The following SNX1 variants were observed in gnomAD, a reference collection of about 807,000 sequenced individuals.
SNX1 encodes the protein sorting nexin 1, also known as sorting nexin-1.
SNX1 carries 36 observed loss-of-function variants against 71.8 expected under a neutral mutation model. The ratio of observed to expected loss-of-function variants is 0.50; its 90% CI spans 0.38 to 0.66. The LOEUF (loss-of-function observed/expected upper bound fraction) is 0.66, where lower values mean the gene tolerates loss of function less well. Among genes scored for constraint, SNX1 ranks in the 30% least tolerant of loss-of-function variants. The pLI, the probability that SNX1 is intolerant of heterozygous loss-of-function variation, is 0.00. For synonymous variants in SNX1, 254 were observed against 240.7 expected (o/e 1.06, Z -0.51); for missense variants, 612 against 646.7 (o/e 0.95, Z 0.58).
intron 1 of SNX1, 103 bp downstream of exon 1, chr15:64,096,275 C>A: frequency 7.3e-7 from 1 of 1,375,768 alleles, no homozygotes; most frequent in Non-Finnish European, 9.7e-7. Context: ...CCGGTGAGAC[C>A]TTGCCTCGGT....
chr15:64,131,059 TG>T (rs2140157624), intron 10 of SNX1, among the ~76,000 whole-genome samples: 1 of 152,238 alleles, frequency 6.6e-6, no homozygotes, highest in Non-Finnish European at 1.5e-5. Context: ...CCGAGGCAGG[TG>T]GGTCACGAGG....
At chr15:64,109,433 A>T (rs1373903780) in intron 1 of SNX1, among the ~76,000 whole-genome samples, 2 of 152,252 alleles carry the variant, frequency 1.3e-5, no homozygotes, top group Admixed American at 1.3e-4. Flanking sequence ...CAAGTCACAG[A>T]TTCAAATGAC....
At position 64,138,279 on chromosome 15, in the gene SNX1, A is replaced by G; in HGVS notation, c.*661A>G. The G allele has an allele frequency of 2.3e-6, 3 of 1,289,000 alleles. No individual in the cohort carries two copies. Among genetic ancestry groups the G allele is most frequent in the East Asian group, 5.3e-5 (2 of 37,618 alleles). 79.8% of individuals were successfully genotyped at this position (1,289,000 alleles called of 1,614,324 possible). On this transcript the variant is annotated 3_prime_UTR_variant, in exon 15 of 15. Coordinates refer to ENST00000559844, the MANE Select transcript of SNX1 (RefSeq NM_003099.5). ...TCTTAAAATAAGAGGAGCAAAATCT[A>G]TTAAAACCTATTCTCCTGCAAAGGA...
At chr15:64,100,837 T>G (rs1019803462) in intron 1 of SNX1, among the ~76,000 whole-genome samples, 3 of 152,214 alleles carry the variant, frequency 2.0e-5, no homozygotes, top group Non-Finnish European at 4.4e-5. Context: ...ACAAGGTTTC[T>G]GTCTGTCTCC....
At chr15:64,119,812 G>A (rs1375878897) in intron 4 of SNX1, among the ~76,000 whole-genome samples, 1 of 151,314 alleles carries the variant, frequency 6.6e-6, no homozygotes, top group East Asian at 1.9e-4. Flanking sequence ...TTTTGAGATA[G>A]TAAATCCAAT....
chr15:64,135,107 G>A (rs2081344828), intron 12 of SNX1, among the ~76,000 whole-genome samples: 1 of 151,266 alleles, frequency 6.6e-6, no homozygotes, highest in Admixed American at 6.6e-5. Flanking sequence ...TGAGGTCAGA[G>A]GTTTTTTTTG....
chr15:64,130,412 G>C, intron 10 of SNX1, 91 bp downstream of exon 10: 1 of 1,063,312 alleles, frequency 9.4e-7, no homozygotes, highest in Non-Finnish European at 1.4e-6. Flanking sequence ...AATCCTCTCA[G>C]CCATCCAAGT....
At chr15:64,122,640 T>C (rs1365818321) in intron 4 of SNX1, among the ~76,000 whole-genome samples, 1 of 152,054 alleles carries the variant, frequency 6.6e-6, no homozygotes, top group Non-Finnish European at 1.5e-5. Context: ...ACTGTTGACC[T>C]AGGTTTTCCG....
rs1186755780 is a variant in SNX1 at position 64,138,179 on chromosome 15, C to T, written c.*561C>T. 2.6e-6 allele frequency: 4 copies of T among 1,535,312 alleles called. No homozygotes were observed. The South Asian group carries it at 4.8e-5, about 18-fold the overall frequency. Reference sequence around the variant, plus strand: ...AATGGGGTTTCTTTCTCTCCGCCTACCTCAGCTACCTGTTCTGAGGGTCTC... The same window carrying T: ...AATGGGGTTTCTTTCTCTCCGCCTATCTCAGCTACCTGTTCTGAGGGTCTC... On this transcript the variant is annotated 3_prime_UTR_variant, in exon 15 of 15. Coordinates refer to ENST00000559844, the MANE Select transcript of SNX1 (RefSeq NM_003099.5).
intron 1 of SNX1, among the ~76,000 whole-genome samples, chr15:64,101,245 A>C (rs1283635453): frequency 6.6e-6 from 1 of 152,232 alleles, no homozygotes; most frequent in Admixed American, 6.5e-5. Flanking sequence ...TCATTTTGCA[A>C]ATCTGAAACT....
chr15:64,130,056 C>G (rs769658868), intron 9 of SNX1, 27 bp downstream of exon 9: 16 of 1,551,600 alleles, frequency 1.0e-5, no homozygotes, highest in Non-Finnish European at 1.4e-5. Flanking sequence ...CTCTTACCTC[C>G]ACCTACACCT....
chr15:64,107,677 C>T (rs923340723), intron 1 of SNX1, among the ~76,000 whole-genome samples: 5 of 151,236 alleles, frequency 3.3e-5, no homozygotes, highest in Non-Finnish European at 7.4e-5. Context: ...GAACCACTGG[C>T]TAGAATTAAC....
At chr15:64,131,996 G>C in intron 11 of SNX1, 104 bp downstream of exon 11, 1 of 1,186,090 alleles carries the variant, frequency 8.4e-7, no homozygotes, top group Non-Finnish European at 1.2e-6. Flanking sequence ...CTTGTAAATA[G>C]GTGTCACTTT....
chr15:64,110,782 G>A (rs929511800), intron 1 of SNX1, among the ~76,000 whole-genome samples: 3 of 152,170 alleles, frequency 2.0e-5, no homozygotes, highest in Non-Finnish European at 2.9e-5. Flanking sequence ...TCCCATTTGT[G>A]TGTGTCTGTC....
chr15:64,125,082 C>G (rs1437162832), intron 5 of SNX1, among the ~76,000 whole-genome samples: 3 of 152,194 alleles, frequency 2.0e-5, no homozygotes, highest in African/African-American at 7.2e-5. Context: ...AATTCCCACC[C>G]TGCTCATCAC....
chr15:64,122,351 GT>G (rs1330725511), intron 4 of SNX1, among the ~76,000 whole-genome samples: 1 of 151,968 alleles, frequency 6.6e-6, no homozygotes, highest in Non-Finnish European at 1.5e-5. Context: ...GAGAACTAAA[GT>G]TGGTAATCAG....
At position 64,120,707 on chromosome 15, in the gene SNX1, G is replaced by A. The variant is rs73448935; in HGVS notation, c.466+1853G>A. Among the ~76,000 whole-genome samples the A allele has an allele frequency of 6.1e-3, 926 of 152,186 alleles. 13 individuals carry two copies. Among genetic ancestry groups the A allele is most frequent in the African/African-American group, 0.021 (860 of 41,488 alleles). Reference sequence around the variant, plus strand: ...AAATAAAAAATTACAGAGGCATGGCGGTACATGCCTGTAGTCCCACGTACT... The same window carrying A: ...AAATAAAAAATTACAGAGGCATGGCAGTACATGCCTGTAGTCCCACGTACT... On this transcript the variant is annotated intron_variant, in intron 4 of 14. Coordinates refer to ENST00000559844, the MANE Select transcript of SNX1 (RefSeq NM_003099.5).
chr15:64,119,946 A>G (rs78483021), intron 4 of SNX1, among the ~76,000 whole-genome samples: 1,878 of 152,232 alleles, frequency 0.012, 37 homozygotes, highest in African/African-American at 0.043. Context: ...GGGGAAGTCT[A>G]TCTGTGGGAT....
At chr15:64,114,334 T>G (rs1253430531) in intron 2 of SNX1, among the ~76,000 whole-genome samples, 1 of 152,104 alleles carries the variant, frequency 6.6e-6, no homozygotes, top group Non-Finnish European at 1.5e-5. Flanking sequence ...AAATCTGATT[T>G]TAGTGATTGA....
Sources: gnomAD v4.1 joint callset for allele counts (sites outside exome capture counted in the v4.1 genomes callset) on GRCh38, gnomAD v4.1.1 for gene constraint, MANE v1.5 for transcripts, NCBI Gene and HGNC (gene_info 2026-07-23, HGNC 2026-07-21) for gene names.